Variants in MAML3 observed in about 807,000 individuals in gnomAD.
The protein encoded by MAML3 is mastermind-like protein 3.
A neutral mutation model predicts 101.9 loss-of-function variants in MAML3; 27 were observed. The ratio of observed to expected loss-of-function variants is 0.27; its 90% CI spans 0.20 to 0.37. MAML3 has a LOEUF of 0.37. Among genes scored for constraint, MAML3 ranks in the 10% least tolerant of loss-of-function variants. The pLI, the probability that MAML3 is intolerant of heterozygous loss-of-function variation, is 1.00. For synonymous variants in MAML3, 501 were observed against 555.9 expected (o/e 0.90, Z 1.39); for missense variants, 1,316 against 1,444.9 (o/e 0.91, Z 1.45).
intron 1 of MAML3, among the ~76,000 whole-genome samples, chr4:140,096,868 G>C (rs1254258575): frequency 1.3e-5 from 2 of 148,930 alleles, no homozygotes; most frequent in South Asian, 2.2e-4. Flanking sequence ...GAAGTTGAGA[G>C]AATATTTTAA....
In MAML3 at chr4:139,741,740, C is replaced by T. The variant is rs566145231; in HGVS notation, c.2080-11073G>A. Among the ~76,000 whole-genome samples, 12 of 152,290 alleles carry T rather than the reference C, an allele frequency of 7.9e-5. No individual in the cohort carries two copies. In the South Asian group the frequency reaches 2.1e-3, roughly 26 times the overall value. ...CCAGCTTGGGTGACAGAGTGAGACC[C>T]TGTCTCAAAAAAAATTCTGCCCTGT... On this transcript the variant is annotated intron_variant, in intron 2 of 4. Coordinates refer to ENST00000509479, the MANE Select transcript of MAML3 (RefSeq NM_018717.5).
chr4:140,057,168 T>A (rs1727363948), intron 1 of MAML3, among the ~76,000 whole-genome samples: 1 of 152,334 alleles, frequency 6.6e-6, no homozygotes, highest in South Asian at 2.1e-4. Flanking sequence ...CCCAGCTATT[T>A]GGGCGGTTAA....
chr4:140,049,455 C>G (rs551626679), intron 1 of MAML3, among the ~76,000 whole-genome samples: 91 of 152,208 alleles, frequency 6.0e-4, no homozygotes, highest in Non-Finnish European at 7.9e-4. Context: ...CCTGGCTCAG[C>G]AAGTGTGCGG....
chr4:139,977,551 T>C (rs1240240838), intron 1 of MAML3, among the ~76,000 whole-genome samples: 5 of 152,120 alleles, frequency 3.3e-5, no homozygotes, highest in Non-Finnish European at 7.4e-5. Context: ...ATTATGAACA[T>C]ATAGATTAAG....
intron 1 of MAML3, among the ~76,000 whole-genome samples, chr4:140,137,482 A>G (rs2111049427): frequency 6.6e-6 from 1 of 152,314 alleles, no homozygotes; most frequent in African/African-American, 2.4e-5. Context: ...TTCCTCTTAC[A>G]GTCTCATTCC....
At chr4:139,918,328 C>T (rs1008973709) in intron 1 of MAML3, among the ~76,000 whole-genome samples, 6 of 152,174 alleles carry the variant, frequency 3.9e-5, no homozygotes, top group Non-Finnish European at 5.9e-5. Flanking sequence ...TACCCTTCTC[C>T]CCTTCACCAC....
intron 4 of MAML3, among the ~76,000 whole-genome samples, chr4:139,723,330 GAC>G (rs1195288999): frequency 2.0e-5 from 3 of 151,958 alleles, no homozygotes; most frequent in African/African-American, 7.3e-5. Flanking sequence ...TTTTTTCTGG[GAC>G]ACAGTTTTGC....
chr4:139,860,643 A>C (rs1015519449), intron 2 of MAML3, among the ~76,000 whole-genome samples: 4 of 152,134 alleles, frequency 2.6e-5, no homozygotes, highest in Non-Finnish European at 4.4e-5. Flanking sequence ...CAATCTTCTG[A>C]GCTCTGGCTC....
intron 1 of MAML3, among the ~76,000 whole-genome samples, chr4:140,004,287 CTTA>C (rs1484527277): frequency 6.6e-6 from 1 of 152,136 alleles, no homozygotes; most frequent in Non-Finnish European, 1.5e-5. Context: ...AGTTTCTTTA[CTTA>C]TTATGAATGT....
At chr4:139,894,927 G>A in intron 1 of MAML3, among the ~76,000 whole-genome samples, 1 of 152,216 alleles carries the variant, frequency 6.6e-6, no homozygotes, top group East Asian at 1.9e-4. Context: ...GGCACCTCCT[G>A]GAGTGATGTT....
In MAML3 at chr4:139,890,452, C is replaced by T; in HGVS notation, c.984G>A (p.Leu328=). Residue 328 remains leucine, a synonymous_variant, in exon 2 of 5, where the codon CTG becomes CTA. Coordinates refer to ENST00000509479, the MANE Select transcript of MAML3 (RefSeq NM_018717.5). This position sits in a 1 kb window ranked among gnomAD's most constrained non-coding sequence, Gnocchi z 4.1. Reference sequence around the variant, plus strand: ...TCTTCTCTTCAAAGTCTTCGTTGAACAGGTCCTGTATGTCATCCTCAGGAA... The same window carrying T: ...TCTTCTCTTCAAAGTCTTCGTTGAATAGGTCCTGTATGTCATCCTCAGGAA... The part of the protein sequence containing the change: ...NTVPEDDIQD[L]FNEDFEEKKE... 2 of 1,612,416 alleles carry T rather than the reference C, an allele frequency of 1.2e-6. No individual in the cohort carries two copies. Among genetic ancestry groups the T allele is most frequent in the Non-Finnish European group, 1.7e-6 (2 of 1,178,604 alleles).
intron 2 of MAML3, among the ~76,000 whole-genome samples, chr4:139,766,447 C>T (rs1330632622): frequency 7.2e-5 from 11 of 152,188 alleles, no homozygotes; most frequent in Admixed American, 3.9e-4. Context: ...GCTGGGATTA[C>T]AGACGTGAGC....
chr4:139,878,645 A>T (rs561461481), intron 2 of MAML3, among the ~76,000 whole-genome samples: 1 of 152,232 alleles, frequency 6.6e-6, no homozygotes, highest in East Asian at 1.9e-4. Context: ...AAGGAAGGGA[A>T]TCTAAGAGTC....
chr4:139,772,240 CAAAAAA>C (rs1213721738), intron 2 of MAML3, among the ~76,000 whole-genome samples: 27 of 39,270 alleles, frequency 6.9e-4, no homozygotes, highest in Non-Finnish European at 8.4e-4. Context: ...ACTCCGTTCT[CAAAAAA>C]AAAAAAAAAA....
intron 2 of MAML3, among the ~76,000 whole-genome samples, chr4:139,827,603 A>T (rs1335698472): frequency 2.6e-5 from 4 of 152,252 alleles, no homozygotes; most frequent in Non-Finnish European, 5.9e-5. Flanking sequence ...CCAATCCAAT[A>T]TCTTTGTTAA....
chr4:139,858,000 T>G (rs1731696042), intron 2 of MAML3, among the ~76,000 whole-genome samples: 1 of 152,202 alleles, frequency 6.6e-6, no homozygotes, highest in South Asian at 2.1e-4. Flanking sequence ...CACCTTAATC[T>G]GGGTTACCAT....
Position 139,967,080 on chromosome 4 carries a change from A to C in MAML3, c.469-76113T>G, listed in dbSNP as rs1578620781. On this transcript the variant is annotated intron_variant, in intron 1 of 4. Transcript: ENST00000509479. Reference sequence around the variant, plus strand: ...TAATTATACTTAAAGTAAGGATCAAAATTGAAAAAAGTCCTAATATTAGAA... The same window carrying C: ...TAATTATACTTAAAGTAAGGATCAACATTGAAAAAAGTCCTAATATTAGAA... Among the ~76,000 whole-genome samples the C allele has an allele frequency of 2.6e-5, 4 of 152,370 alleles. 1 individual carries two copies. The South Asian group carries it at 8.3e-4, about 32-fold the overall frequency.
Position 139,722,480 on chromosome 4 carries a change from C to T in MAML3, c.2417-2157G>A, listed in dbSNP as rs533139262. ...TATGTTTTCTTTTTCTTTTTTTGGT[C>T]TAAAGCAGATATTATTGTGAGACAC... is the stretch of plus-strand genomic sequence containing the variant. On this transcript the variant is annotated intron_variant, in intron 4 of 4. Transcript: ENST00000509479. Among the ~76,000 whole-genome samples, 3 of 152,024 alleles carry T rather than the reference C, an allele frequency of 2.0e-5. No individual in the cohort carries two copies. The South Asian group carries it at 6.2e-4, about 32-fold the overall frequency.
At chr4:139,917,157 C>T (rs188449755) in intron 1 of MAML3, among the ~76,000 whole-genome samples, 2 of 152,300 alleles carry the variant, frequency 1.3e-5, no homozygotes, top group Non-Finnish European at 2.9e-5. Context: ...AGTTCAAGAA[C>T]CACTCTCCTG....
Sources: gnomAD v4.1 joint callset for allele counts (sites outside exome capture counted in the v4.1 genomes callset) on GRCh38, gnomAD v4.1.1 for gene constraint, Gnocchi (gnomAD v3.1) non-coding constraint, MANE v1.5 for transcripts, NCBI Gene and HGNC (gene_info 2026-07-23, HGNC 2026-07-21) for gene names.